Variants in CNTLN observed in about 807,000 individuals in gnomAD.
The protein encoded by CNTLN is centlein, centrosomal protein.
In CNTLN, 212 loss-of-function variants were observed where a neutral mutation model predicts 180.0. That is an observed-to-expected ratio of 1.18 (90% CI 1.05 to 1.32). The LOEUF is 1.32. Ranked by LOEUF, CNTLN falls within the 40% of genes most tolerant of loss-of-function variation. The pLI is 0.00. For missense variants in CNTLN, 2,095 were observed against 1,610.9 expected (o/e 1.30, Z -5.14); for synonymous variants, 722 against 563.1 (o/e 1.28, Z -3.99).
At chr9:17,425,850 C>T (rs1360529966) in intron 18 of CNTLN, among the ~76,000 whole-genome samples, 1 of 152,148 alleles carries the variant, frequency 6.6e-6, no homozygotes, top group Non-Finnish European at 1.5e-5. Flanking sequence ...ACAGGAATGG[C>T]TTGATTTCTC....
chr9:17,229,166 C>G (rs1346212837), intron 3 of CNTLN, among the ~76,000 whole-genome samples: 3 of 151,932 alleles, frequency 2.0e-5, no homozygotes, highest in African/African-American at 7.2e-5. Flanking sequence ...GGAGAGAGTA[C>G]AATGCAATAT....
At chr9:17,231,350 G>A (rs779349468) in intron 3 of CNTLN, among the ~76,000 whole-genome samples, 1 of 150,926 alleles carries the variant, frequency 6.6e-6, no homozygotes, top group African/African-American at 2.4e-5. Flanking sequence ...CACACACACA[G>A]TTTTTTTTTA....
In CNTLN at chr9:17,502,553, T is replaced by A. The variant is rs1833806316; in HGVS notation, c.4122T>A (p.Leu1374=). 2 of 1,351,050 alleles carry A rather than the reference T, an allele frequency of 1.5e-6. No individual in the cohort carries two copies. Among genetic ancestry groups the A allele is most frequent in the East Asian group, 4.9e-5 (2 of 41,174 alleles). 83.7% of individuals were successfully genotyped at this position (1,351,050 alleles called of 1,614,324 possible). A position where few individuals can be genotyped will look rare whatever the true frequency, so the allele number is the denominator to read the frequency against. ...TCTTTTTTGTGTTTCTTTTACAGCT[T>A]CCTTTTGCCTCATATTTACTAGAAG... ...LYIQKLLEGQ[L]PFASYLLEAV... is the part of the protein sequence containing the mutation. The change falls in exon 26 of 26, where the codon CTT becomes CTA. Residue 1374 remains leucine (L), a splice_region_variant and synonymous_variant. Coordinates refer to ENST00000380647, the MANE Select transcript of CNTLN (RefSeq NM_017738.4).
At chr9:17,317,023 A>G (rs1819584697) in intron 8 of CNTLN, among the ~76,000 whole-genome samples, 1 of 151,922 alleles carries the variant, frequency 6.6e-6, no homozygotes, top group Admixed American at 6.6e-5. Flanking sequence ...GTCTTAAACC[A>G]GACAGAAGAA....
chr9:17,289,828 C>G (rs1176114715), intron 6 of CNTLN, among the ~76,000 whole-genome samples: 1 of 139,318 alleles, frequency 7.2e-6, no homozygotes. Context: ...GCATTGTTCA[C>G]CTAGTTCTCG....
chr9:17,248,069 C>T (rs970512239), intron 5 of CNTLN, among the ~76,000 whole-genome samples: 1 of 152,132 alleles, frequency 6.6e-6, no homozygotes, highest in African/African-American at 2.4e-5. Context: ...AGCGATTCAC[C>T]TACCTCAACC....
intron 8 of CNTLN, among the ~76,000 whole-genome samples, chr9:17,310,584 A>G (rs1819063099): frequency 1.3e-5 from 2 of 152,144 alleles, no homozygotes; most frequent in East Asian, 3.9e-4. Context: ...TGGGTTATAT[A>G]TCTAGGAGTA....
chr9:17,502,560 G>A lies in CNTLN; in HGVS notation c.4129G>A (p.Ala1377Thr). ...QKLLEGQLPF[A>T]SYLLEAVLEK... ...TGTGTTTCTTTTACAGCTTCCTTTT[G>A]CCTCATATTTACTAGAAGCAGTACT... is the stretch of plus-strand genomic sequence containing the variant. Residue 1377 changes from alanine to threonine, a missense_variant, in exon 26 of 26, where the codon GCC becomes ACC. Coordinates refer to ENST00000380647, the MANE Select transcript of CNTLN (RefSeq NM_017738.4). 1.5e-6 allele frequency: 2 copies of A among 1,378,156 alleles called. No individual in the cohort carries two copies. Among genetic ancestry groups the A allele is most frequent in the Non-Finnish European group, 2.0e-6 (2 of 1,007,556 alleles). 85.4% of individuals were successfully genotyped at this position (1,378,156 alleles called of 1,614,324 possible).
chr9:17,205,132 T>G (rs1822828029), intron 2 of CNTLN, among the ~76,000 whole-genome samples: 1 of 151,954 alleles, frequency 6.6e-6, no homozygotes, highest in African/African-American at 2.4e-5. Context: ...TCCGTGGGAG[T>G]GGGACCAGAA....
At chr9:17,226,080 A>C in intron 2 of CNTLN, 123 bp from the exon 3 acceptor site, 1 of 482,106 alleles carries the variant, frequency 2.1e-6, no homozygotes, top group Non-Finnish European at 3.7e-6. Context: ...GTCACTTGCC[A>C]TGTGGTCAAC....
intron 8 of CNTLN, among the ~76,000 whole-genome samples, chr9:17,330,105 T>C (rs1328144673): frequency 6.6e-6 from 1 of 152,060 alleles, no homozygotes; most frequent in East Asian, 1.9e-4. Flanking sequence ...GAAACATGAA[T>C]AAATTTCAAA....
chr9:17,493,480 A>G (rs1833280275), intron 25 of CNTLN, among the ~76,000 whole-genome samples: 1 of 152,182 alleles, frequency 6.6e-6, no homozygotes, highest in African/African-American at 2.4e-5. Flanking sequence ...GGGAAAACAA[A>G]AAGTCAGTAA....
At chr9:17,299,664 T>G in intron 7 of CNTLN, 1 of 984,006 alleles carries the variant, frequency 1.0e-6, no homozygotes, top group South Asian at 4.7e-5. Context: ...CTTTTTGTTT[T>G]ATGGGGTGAC....
chr9:17,392,245 A>G (rs1826172332), intron 14 of CNTLN, among the ~76,000 whole-genome samples: 1 of 152,208 alleles, frequency 6.6e-6, no homozygotes, highest in African/African-American at 2.4e-5. Context: ...AGCCTGGGCA[A>G]TAAAGTGAGA....
At chr9:17,404,765 T>C (rs546889022) in intron 15 of CNTLN, among the ~76,000 whole-genome samples, 1 of 137,326 alleles carries the variant, frequency 7.3e-6, no homozygotes, top group African/African-American at 2.8e-5. Flanking sequence ...TGAGACAGAG[T>C]CTTGCTCTGT....
chr9:17,340,622 G>T (rs16935529), intron 10 of CNTLN, among the ~76,000 whole-genome samples: 1 of 152,098 alleles, frequency 6.6e-6, no homozygotes, highest in African/African-American at 2.4e-5. Flanking sequence ...CTTAAAAAAT[G>T]CATTGACTGA....
At chr9:17,308,003 C>T (rs914183751) in intron 7 of CNTLN, among the ~76,000 whole-genome samples, 2 of 151,516 alleles carry the variant, frequency 1.3e-5, no homozygotes, top group Non-Finnish European at 2.9e-5. Flanking sequence ...CACACACACA[C>T]ACACACACAC....
chr9:17,527,048 A>G, the CNTLN span, among the ~76,000 whole-genome samples: 2 of 151,716 alleles, frequency 1.3e-5, no homozygotes, highest in Middle Eastern at 3.2e-3. Context: ...CAGCTAAGCT[A>G]TTTTCTGTAT....
At chr9:17,437,149 A>G (rs980085550) in intron 18 of CNTLN, among the ~76,000 whole-genome samples, 4 of 152,216 alleles carry the variant, frequency 2.6e-5, no homozygotes, top group Non-Finnish European at 4.4e-5. Flanking sequence ...ACCCAGGATC[A>G]GAGCTGAGAA....
Sources: gnomAD v4.1 joint callset for allele counts (sites outside exome capture counted in the v4.1 genomes callset) on GRCh38, gnomAD v4.1.1 for gene constraint, MANE v1.5 for transcripts, NCBI Gene and HGNC (gene_info 2026-07-23, HGNC 2026-07-21) for gene names.